The following ARHGEF26 variants were observed in gnomAD, a reference collection of about 807,000 sequenced individuals.
ARHGEF26 encodes Rho guanine nucleotide exchange factor 26.
In ARHGEF26, 59 loss-of-function variants were observed where a neutral mutation model predicts 89.4. The ratio of observed to expected loss-of-function variants is 0.66; its 90% CI spans 0.54 to 0.82. The LOEUF is 0.82. Among genes scored for constraint, ARHGEF26 ranks in the 40% least tolerant of loss-of-function variants. The probability of loss-of-function intolerance (pLI) is 0.00; values close to 1 mark genes in which losing one functional copy is unlikely to be tolerated. For synonymous variants in ARHGEF26, 500 were observed against 428.4 expected (o/e 1.17, Z -2.06); for missense variants, 1,234 against 1,085.6 (o/e 1.14, Z -1.92).
At chr3:154,169,002 G>T (rs1712232664) in intron 6 of ARHGEF26, among the ~76,000 whole-genome samples, 2 of 151,932 alleles carry the variant, frequency 1.3e-5, no homozygotes, top group Non-Finnish European at 2.9e-5. Flanking sequence ...AAAAAGATTA[G>T]AAATGTAAAG....
chr3:154,166,883 T>C (rs140896127), intron 6 of ARHGEF26, among the ~76,000 whole-genome samples: 192 of 152,302 alleles, frequency 1.3e-3, no homozygotes, highest in Non-Finnish European at 2.2e-3. Flanking sequence ...TATGACTGGT[T>C]TGGGGCGTAG....
chr3:154,121,878 C>T (rs1431617013), intron 1 of ARHGEF26, 64 bp from the exon 2 acceptor site: 17 of 1,401,276 alleles, frequency 1.2e-5, no homozygotes, highest in Middle Eastern at 5.2e-4. Context: ...TCTGGGAGCA[C>T]GCGAGTCGGC....
chr3:154,199,953 T>G (rs1391494929), intron 9 of ARHGEF26, among the ~76,000 whole-genome samples: 4 of 152,168 alleles, frequency 2.6e-5, no homozygotes, highest in Non-Finnish European at 4.4e-5. Flanking sequence ...GTATTCTGGT[T>G]ATTAATCCCT....
At chr3:154,154,386 G>GAA (rs965686364) in intron 6 of ARHGEF26, among the ~76,000 whole-genome samples, 1 of 150,944 alleles carries the variant, frequency 6.6e-6, no homozygotes, top group Non-Finnish European at 1.5e-5. Context: ...TAGATACCCA[G>GAA]AAAAAAAATC....
intron 6 of ARHGEF26, among the ~76,000 whole-genome samples, chr3:154,157,330 A>G (rs891350785): frequency 6.6e-6 from 1 of 151,932 alleles, no homozygotes; most frequent in Admixed American, 6.6e-5. Flanking sequence ...GTTTTAGGGC[A>G]CTTTCCTTGA....
intron 7 of ARHGEF26, among the ~76,000 whole-genome samples, chr3:154,188,892 G>A (rs879277486): frequency 5.3e-5 from 8 of 152,098 alleles, no homozygotes; most frequent in Non-Finnish European, 1.2e-4. Context: ...TATAAAGCAG[G>A]GTTTGTTCGC....
intron 4 of ARHGEF26, among the ~76,000 whole-genome samples, chr3:154,141,036 A>T (rs1253561689): frequency 1.3e-5 from 2 of 151,310 alleles, no homozygotes; most frequent in South Asian, 2.1e-4. Flanking sequence ...ATCTCAGCTC[A>T]CTGCCAGCTC....
In ARHGEF26 at chr3:154,256,934, G is replaced by A; in HGVS notation, c.*1461G>A. 1 of 1,534,484 alleles carries A rather than the reference G, an allele frequency of 6.5e-7. No homozygotes were observed. The highest frequency in any genetic ancestry group is 8.7e-7 in the Non-Finnish European group (1 of 1,146,360). ...GAGATGAAGGATGGGAGATTAAGAGGGGGGAAATGATTTTTACTGGCAGCT... is the reference window on the plus strand; with the variant it reads ...GAGATGAAGGATGGGAGATTAAGAGAGGGGAAATGATTTTTACTGGCAGCT... On this transcript the variant is annotated 3_prime_UTR_variant, in exon 15 of 15. Transcript: ENST00000465093.
In ARHGEF26 at chr3:154,122,727, G is replaced by T; in HGVS notation, c.735G>T (p.Val245=). 1.2e-6 allele frequency: 2 copies of T among 1,613,314 alleles called. No individual in the cohort carries two copies. Residue 245 remains valine, a synonymous_variant, in exon 2 of 15, where the codon GTG becomes GTT. Transcript: ENST00000465093. ...LSTNSPAALK[V]GKQQIIPKSL... is the part of the protein sequence containing the mutation. ...CAAACAGCCCCGCCGCCCTCAAAGT[G>T]GGGAAGCAGCAGATCATTCCGAAGA...
chr3:154,210,691 C>T (rs1418200920), intron 9 of ARHGEF26, among the ~76,000 whole-genome samples: 1 of 151,580 alleles, frequency 6.6e-6, no homozygotes, highest in African/African-American at 2.4e-5. Context: ...CCTGTAATCC[C>T]AGCACATTGA....
chr3:154,145,938 T>G (rs1019437487), intron 4 of ARHGEF26, among the ~76,000 whole-genome samples: 8 of 152,090 alleles, frequency 5.3e-5, no homozygotes, highest in Admixed American at 3.9e-4. Flanking sequence ...CTCTGCAAGG[T>G]GGAGATGCTT....
At position 154,122,807 on chromosome 3, in the gene ARHGEF26, A is replaced by G; in HGVS notation, c.815A>G (p.His272Arg). ...SKSNNQNVEP[H>R]KRLLKVRSMV... The stretch of plus-strand genomic sequence containing the variant: ...TCCAACAATCAAAATGTGGAGCCCC[A>G]CAAGAGACTCCTCAAGGTGCGCAGC... The change falls in exon 2 of 15, where the codon CAC becomes CGC. Residue 272 changes from histidine to arginine, a missense_variant. His to Arg is a conservative substitution (Grantham distance 29, BLOSUM62 0). Transcript: ENST00000465093. 6.2e-7 allele frequency: 1 copy of G among 1,612,092 alleles called. No homozygotes were observed. Among genetic ancestry groups the G allele is most frequent in the East Asian group, 2.2e-5 (1 of 44,828 alleles).
Position 154,122,577 on chromosome 3 carries a change from A to G in ARHGEF26, c.585A>G (p.Ala195=). ...PGSGSQSGRK[A]KDPERGLFPG... is the part of the protein sequence containing the mutation. ...CAGGTTCGCAGTCCGGCCGGAAGGC[A>G]AAGGACCCCGAACGGGGGCTCTTTC... The change falls in exon 2 of 15, where the codon GCA becomes GCG. Residue 195 remains alanine (A), a synonymous_variant. Coordinates refer to ENST00000465093, the MANE Select transcript of ARHGEF26 (RefSeq NM_015595.4). The G allele has an allele frequency of 6.2e-7, 1 of 1,613,630 alleles. No homozygotes were observed. Among genetic ancestry groups the G allele is most frequent in the East Asian group, 2.2e-5 (1 of 44,860 alleles).
chr3:154,188,567 T>A (rs1402841172), intron 7 of ARHGEF26, among the ~76,000 whole-genome samples: 1 of 152,184 alleles, frequency 6.6e-6, no homozygotes, highest in Non-Finnish European at 1.5e-5. Flanking sequence ...AGTAGCTGTT[T>A]TACAGCACAG....
chr3:154,171,192 G>A (rs112369287), intron 6 of ARHGEF26, among the ~76,000 whole-genome samples: 42 of 152,196 alleles, frequency 2.8e-4, no homozygotes, highest in African/African-American at 9.4e-4. Flanking sequence ...AAGACTTGTG[G>A]GAAATATAGT....
intron 9 of ARHGEF26, among the ~76,000 whole-genome samples, chr3:154,200,030 C>T (rs1050149585): frequency 6.6e-6 from 1 of 152,006 alleles, no homozygotes; most frequent in African/African-American, 2.4e-5. Flanking sequence ...TTTGTTGACT[C>T]TATACTTTGC....
intron 12 of ARHGEF26, among the ~76,000 whole-genome samples, chr3:154,247,442 C>T (rs999640316): frequency 4.1e-4 from 63 of 152,158 alleles, no homozygotes; most frequent in African/African-American, 1.5e-3. Flanking sequence ...CTAGGTCAAC[C>T]ACATGGCTTT....
At chr3:154,146,900 C>T (rs766542667) in intron 4 of ARHGEF26, among the ~76,000 whole-genome samples, 60 of 152,140 alleles carry the variant, frequency 3.9e-4, no homozygotes, top group Non-Finnish European at 4.1e-4. Context: ...AAATCAAGAA[C>T]CTCACATTAA....
intron 4 of ARHGEF26, among the ~76,000 whole-genome samples, chr3:154,132,078 A>C (rs536469152): frequency 6.6e-6 from 1 of 152,188 alleles, no homozygotes; most frequent in Non-Finnish European, 1.5e-5. Context: ...TGGCAATTAA[A>C]TTTAATGAAA....
Sources: gnomAD v4.1 joint callset for allele counts (sites outside exome capture counted in the v4.1 genomes callset) on GRCh38, gnomAD v4.1.1 for gene constraint, MANE v1.5 for transcripts, NCBI Gene and HGNC (gene_info 2026-07-23, HGNC 2026-07-21) for gene names.